SLC45A4: variants seen among roughly 807,000 people sequenced by gnomAD.
The protein encoded by SLC45A4 is solute carrier family 45 member 4.
Under a neutral mutation model 63.7 loss-of-function variants are expected in SLC45A4, and 32 were observed. The ratio of observed to expected loss-of-function variants is 0.50; its 90% CI spans 0.38 to 0.67. SLC45A4 has a LOEUF of 0.67. Ranked by LOEUF, SLC45A4 falls within the 30% of genes least tolerant of loss-of-function variation. SLC45A4 has a pLI of 0.00. For missense variants in SLC45A4, 1,027 were observed against 1,157.7 expected, an observed-to-expected ratio of 0.89 and a Z score of 1.64; for synonymous variants, 535 against 510.0, an observed-to-expected ratio of 1.05 and a Z score of -0.66.
Position 141,264,168 on chromosome 8 carries a change from G to C in SLC45A4, c.-400-9539C>G, listed in dbSNP as rs62524181. On this transcript the variant is annotated intron_variant, in intron 1 of 8. Transcript: ENST00000517878. ...TACTGAATGTTCAACCCAGATGACA[G>C]CTCCCAGTGGAAAACTATGTGGGTC... is the stretch of plus-strand genomic sequence containing the variant. Among the ~76,000 whole-genome samples, 733 of 152,340 alleles carry C rather than the reference G, an allele frequency of 4.8e-3. 3 individuals carry two copies. The highest frequency in any genetic ancestry group is 7.5e-3 in the Non-Finnish European group (508 of 68,034).
chr8:141,267,319 T>A (rs1829308931), intron 1 of SLC45A4, among the ~76,000 whole-genome samples: 1 of 152,210 alleles, frequency 6.6e-6, no homozygotes. Flanking sequence ...CACAGTGCAA[T>A]AGTCCAGGCT....
intron 1 of SLC45A4, among the ~76,000 whole-genome samples, chr8:141,270,115 C>T (rs1829456567): frequency 6.6e-6 from 1 of 152,160 alleles, no homozygotes; most frequent in Admixed American, 6.5e-5. Context: ...GGGCACAGCG[C>T]AGTTGGACTA....
At chr8:141,305,975 G>A (rs1233770066) in intron 1 of SLC45A4, among the ~76,000 whole-genome samples, 1 of 152,210 alleles carries the variant, frequency 6.6e-6, no homozygotes, top group Non-Finnish European at 1.5e-5. Flanking sequence ...AGAGCTCACG[G>A]AAAGGAGGCA....
intron 2 of SLC45A4, chr8:141,225,517 G>A: frequency 6.5e-6 from 1 of 153,898 alleles, no homozygotes; most frequent in South Asian, 2.0e-4. Context: ...CTGGCTGGGT[G>A]TCAGGAGGGT....
At chr8:141,301,734 C>CAGAAAAAAAAAAAA (rs1830749647) in intron 1 of SLC45A4, among the ~76,000 whole-genome samples, 1 of 39,564 alleles carries the variant, frequency 2.5e-5, no homozygotes, top group African/African-American at 8.3e-5. Flanking sequence ...GACCCTATCT[C>CAGAAAAAAAAAAAA]AAAAAAAAAA....
chr8:141,240,852 G>C (rs9644539), intron 2 of SLC45A4, among the ~76,000 whole-genome samples: 19,927 of 152,286 alleles, frequency 0.13, 1,632 homozygotes, highest in East Asian at 0.28. Context: ...AGACGCATGT[G>C]GATGTGCAGA....
intron 1 of SLC45A4, among the ~76,000 whole-genome samples, chr8:141,280,678 A>C (rs1475334316): frequency 6.6e-6 from 1 of 152,006 alleles, no homozygotes; most frequent in Non-Finnish European, 1.5e-5. Context: ...TTTTTGCCCC[A>C]CCCGTACCTC....
At chr8:141,247,780 T>C (rs978163345) in intron 2 of SLC45A4, among the ~76,000 whole-genome samples, 1 of 152,102 alleles carries the variant, frequency 6.6e-6, no homozygotes, top group African/African-American at 2.4e-5. Context: ...CAGAAATCAA[T>C]CAATCGTTGT....
rs1255952138 is a variant in SLC45A4 at position 141,254,704 on chromosome 8, C to A, written c.-400-75G>T. On this transcript the variant is annotated intron_variant, in intron 1 of 8. Transcript: ENST00000517878. This position sits in a 1 kb window ranked among gnomAD's most constrained non-coding sequence, Gnocchi z 4.5. ...GATGGCCCTGTGGACCGCCGCCCGA[C>A]CCCCGAGCAAGCCGTGTGCCCCGAG... 1 of 691,528 alleles carries A rather than the reference C, an allele frequency of 1.4e-6. No homozygotes were observed. Among genetic ancestry groups the A allele is most frequent in the African/African-American group, 1.8e-5 (1 of 57,030 alleles). The allele number at this position is 691,528 out of a possible 1,614,324, so 42.8% of individuals were successfully genotyped here.
At chr8:141,277,287 C>T (rs1022484830) in intron 1 of SLC45A4, among the ~76,000 whole-genome samples, 3 of 152,216 alleles carry the variant, frequency 2.0e-5, no homozygotes, top group Non-Finnish European at 4.4e-5. Context: ...AATGAAAGGA[C>T]CATCATGGGC....
chr8:141,285,142 G>A (rs537223347), intron 1 of SLC45A4, among the ~76,000 whole-genome samples: 2 of 152,322 alleles, frequency 1.3e-5, no homozygotes, highest in South Asian at 4.1e-4. Context: ...ATCCAGCACG[G>A]ACTGAGGGCG....
chr8:141,224,752 C>A (rs899035523), intron 2 of SLC45A4: 1 of 152,350 alleles, frequency 6.6e-6, no homozygotes, highest in Non-Finnish European at 1.5e-5. Context: ...GCACCTGCCC[C>A]TGCAAAGGTT....
At chr8:141,212,635 C>A in intron 7 of SLC45A4, 79 bp from the exon 8 acceptor site, 1 of 1,459,788 alleles carries the variant, frequency 6.9e-7, no homozygotes, top group Non-Finnish European at 9.1e-7. Context: ...TGAGTATTAA[C>A]CCACAAGCCT....
rs1825788346 is a variant in SLC45A4 at position 141,211,268 on chromosome 8, G to C, written c.*304C>G. 1.7e-6 allele frequency: 1 copy of C among 583,312 alleles called. No individual in the cohort carries two copies. 36.1% of individuals were successfully genotyped at this position (583,312 alleles called of 1,614,324 possible). A position where few individuals can be genotyped will look rare whatever the true frequency, so the allele number is the denominator to read the frequency against. On this transcript the variant is annotated 3_prime_UTR_variant, in exon 9 of 9. Coordinates refer to ENST00000517878, the MANE Select transcript of SLC45A4 (RefSeq NM_001286646.2). ...TTCCCCCTGACGTTGGGAGCGGTCT[G>C]GAGGGGCAACCTGGCCTCCTAGGAG...
rs141655095 is a variant in SLC45A4, at chr8:141,306,071, C to T, written c.-401+2025G>A. Among the ~76,000 whole-genome samples the T allele has an allele frequency of 6.6e-3, 993 of 151,352 alleles. 10 individuals carry two copies. The highest frequency in any genetic ancestry group is 0.023 in the African/African-American group (929 of 41,188). On this transcript the variant is annotated intron_variant, in intron 1 of 8. Coordinates refer to ENST00000517878, the MANE Select transcript of SLC45A4 (RefSeq NM_001286646.2). ...AGGGTGTTACAAGCTGCAAGACACA[C>T]ACCTTGGAGCTCACCCAGTCCAATC...
intron 1 of SLC45A4, among the ~76,000 whole-genome samples, chr8:141,266,473 G>A (rs982097202): frequency 2.0e-5 from 3 of 152,138 alleles, no homozygotes; most frequent in Non-Finnish European, 2.9e-5. Context: ...AGTCACGGCC[G>A]GCACGTGTCT....
intron 4 of SLC45A4, 103 bp downstream of exon 4, chr8:141,219,547 A>G: frequency 7.4e-7 from 1 of 1,353,716 alleles, no homozygotes; most frequent in Non-Finnish European, 9.9e-7. Context: ...CCCTCCATGC[A>G]GCCTGATGAG....
intron 1 of SLC45A4, among the ~76,000 whole-genome samples, chr8:141,291,174 C>T (rs930278032): frequency 3.9e-4 from 60 of 152,144 alleles, no homozygotes; most frequent in Non-Finnish European, 7.3e-5. Flanking sequence ...CATGAGCCAC[C>T]GCACTGGCAA....
chr8:141,232,646 G>A (rs959204156), intron 2 of SLC45A4, among the ~76,000 whole-genome samples: 1 of 150,466 alleles, frequency 6.6e-6, no homozygotes, highest in Non-Finnish European at 1.5e-5. Flanking sequence ...CTCACAAGCT[G>A]CAACGGGAAC....
Sources: allele counts gnomAD v4.1 joint callset (sites outside exome capture counted in the v4.1 genomes callset), GRCh38; gene constraint gnomAD v4.1.1; non-coding constraint Gnocchi (gnomAD v3.1); transcripts MANE v1.5; gene names NCBI Gene and HGNC (gene_info 2026-07-23, HGNC 2026-07-21).